Variants in LRP1B observed in about 807,000 individuals in gnomAD.
The protein encoded by LRP1B is low-density lipoprotein receptor-related protein 1B.
A neutral mutation model predicts 556.6 loss-of-function variants in LRP1B; 217 were observed. The ratio of observed to expected loss-of-function variants is 0.39; its 90% CI spans 0.35 to 0.44. LRP1B has a LOEUF of 0.44. LRP1B is among the 20% of genes least tolerant of loss of function. The probability of loss-of-function intolerance (pLI) is 1.00; values close to 1 mark genes in which losing one functional copy is unlikely to be tolerated. For synonymous variants in LRP1B, 2,047 were observed against 1,865.8 expected (o/e 1.10, Z -2.50); for missense variants, 5,053 against 5,620.8 (o/e 0.90, Z 3.23).
intron 3 of LRP1B, among the ~76,000 whole-genome samples, chr2:141,384,912 A>T (rs528178663): frequency 5.9e-5 from 9 of 152,316 alleles, no homozygotes; most frequent in African/African-American, 1.9e-4. Flanking sequence ...TGCCCTAAGA[A>T]CAAAGAGCTT....
intron 6 of LRP1B, among the ~76,000 whole-genome samples, chr2:141,198,185 T>C (rs1487596087): frequency 1.3e-5 from 2 of 152,124 alleles, no homozygotes; most frequent in Non-Finnish European, 2.9e-5. Context: ...CTTTTATATG[T>C]CACCATAATC....
chr2:140,651,037 C>T (rs1456427427), intron 41 of LRP1B, among the ~76,000 whole-genome samples: 1 of 151,926 alleles, frequency 6.6e-6, no homozygotes, highest in Admixed American at 6.6e-5. Flanking sequence ...GTTAGTCATC[C>T]TTAAGTACAT....
intron 71 of LRP1B, among the ~76,000 whole-genome samples, chr2:140,366,154 G>T (rs894257910): frequency 6.6e-6 from 1 of 151,672 alleles, no homozygotes; most frequent in African/African-American, 2.4e-5. Flanking sequence ...GGAGGAAAAA[G>T]ACATATTTCA....
chr2:140,986,110 TG>T (rs35132321), intron 17 of LRP1B, among the ~76,000 whole-genome samples: 53,162 of 151,326 alleles, frequency 0.35, 9,805 homozygotes, highest in East Asian at 0.59. Flanking sequence ...TTCAATTTAG[TG>T]GTTTTTTTTT....
chr2:140,959,028 T>C (rs1695957261), intron 18 of LRP1B, among the ~76,000 whole-genome samples: 1 of 149,702 alleles, frequency 6.7e-6, no homozygotes, highest in Non-Finnish European at 1.5e-5. Flanking sequence ...TCAGATAAGT[T>C]AGATACAAAC....
chr2:140,590,307 TTA>T (rs1350207552), intron 43 of LRP1B, among the ~76,000 whole-genome samples: 5 of 147,450 alleles, frequency 3.4e-5, no homozygotes, highest in Non-Finnish European at 7.4e-5. Flanking sequence ...TAATATATAT[TTA>T]TATGTAATAT....
chr2:141,463,643 A>G (rs1394309644), intron 3 of LRP1B, among the ~76,000 whole-genome samples: 1 of 116,368 alleles, frequency 8.6e-6, no homozygotes, highest in Non-Finnish European at 1.7e-5. Context: ...TATATATTAT[A>G]TATTATATAT....
Position 140,770,874 on chromosome 2 carries a change from C to T in LRP1B, c.5626+7G>A, listed in dbSNP as rs117193300. On this transcript the variant is annotated splice_region_variant and intron_variant, in intron 34 of 90. Transcript: ENST00000389484. Reference sequence around the variant, plus strand: ...AACCAGAGGTAAGGTTTTTCATGAACTCATACCTTGACATGACATACGGTT... The same window carrying T: ...AACCAGAGGTAAGGTTTTTCATGAATTCATACCTTGACATGACATACGGTT... 18,479 of 1,549,778 alleles carry T rather than the reference C, an allele frequency of 0.012. 513 individuals carry two copies. The highest frequency in any genetic ancestry group is 0.12 in the Admixed American group (5,367 of 45,552).
chr2:141,472,825 A>G (rs907416182), intron 3 of LRP1B, among the ~76,000 whole-genome samples: 1 of 145,932 alleles, frequency 6.9e-6, no homozygotes, highest in East Asian at 1.9e-4. Context: ...AAAATTTACA[A>G]TTTTTTTTTG....
intron 2 of LRP1B, among the ~76,000 whole-genome samples, chr2:141,749,719 T>C (rs141285213): frequency 2.0e-5 from 3 of 152,108 alleles, no homozygotes; most frequent in Non-Finnish European, 4.4e-5. Context: ...TAAAGAAGAA[T>C]GGAGTCTATG....
intron 2 of LRP1B, among the ~76,000 whole-genome samples, chr2:141,606,731 C>T (rs1009190174): frequency 1.3e-5 from 2 of 152,112 alleles, no homozygotes; most frequent in African/African-American, 4.8e-5. Flanking sequence ...AGGAGAGAGG[C>T]GTCAGGTGAA....
chr2:140,662,603 G>C (rs566324469), intron 41 of LRP1B, among the ~76,000 whole-genome samples: 14 of 152,266 alleles, frequency 9.2e-5, no homozygotes, highest in African/African-American at 3.4e-4. Flanking sequence ...TATAATTTCA[G>C]TGGTAAAAGA....
chr2:141,040,595 T>G (rs75082416), intron 11 of LRP1B, among the ~76,000 whole-genome samples: 14,790 of 152,006 alleles, frequency 0.097, 795 homozygotes, highest in African/African-American at 0.14. Context: ...AGTTCTGAAG[T>G]GGGTCTTAAG....
intron 3 of LRP1B, among the ~76,000 whole-genome samples, chr2:141,427,044 GC>G (rs1680392315): frequency 6.6e-6 from 1 of 152,040 alleles, no homozygotes; most frequent in South Asian, 2.1e-4. Context: ...CCCCTGACAG[GC>G]CCTGGTGTGT....
chr2:141,083,264 C>A (rs1200626216), intron 7 of LRP1B, among the ~76,000 whole-genome samples: 1 of 151,254 alleles, frequency 6.6e-6, no homozygotes, highest in Non-Finnish European at 1.5e-5. Context: ...AGTATTCTAG[C>A]AATTAAACAA....
At chr2:141,456,443 T>C (rs1207840721) in intron 3 of LRP1B, among the ~76,000 whole-genome samples, 1 of 152,224 alleles carries the variant, frequency 6.6e-6, no homozygotes, top group Admixed American at 6.5e-5. Flanking sequence ...ACTGTTGATA[T>C]TACTTTGTTA....
intron 41 of LRP1B, among the ~76,000 whole-genome samples, chr2:140,695,110 T>A (rs1686382606): frequency 6.6e-6 from 1 of 151,612 alleles, no homozygotes. Context: ...TTCTTAAGAA[T>A]CCATGTGTTG....
At chr2:141,331,858 C>T (rs1309274984) in intron 3 of LRP1B, among the ~76,000 whole-genome samples, 1 of 152,080 alleles carries the variant, frequency 6.6e-6, no homozygotes, top group East Asian at 1.9e-4. Flanking sequence ...ACATCTGTCC[C>T]CTTCCCAGAC....
intron 41 of LRP1B, among the ~76,000 whole-genome samples, chr2:140,693,350 C>A (rs1686312993): frequency 6.7e-6 from 1 of 150,228 alleles, no homozygotes; most frequent in Admixed American, 6.6e-5. Flanking sequence ...CAGGGTCTCA[C>A]TCTGTCACCC....
Sources: allele counts gnomAD v4.1 joint callset (sites outside exome capture counted in the v4.1 genomes callset), GRCh38; gene constraint gnomAD v4.1.1; transcripts MANE v1.5; gene names NCBI Gene and HGNC (gene_info 2026-07-23, HGNC 2026-07-21).